Variants in AGAP1 observed in about 807,000 individuals in gnomAD.
AGAP1 encodes the protein arf-GAP with GTPase, ANK repeat and PH domain-containing protein 1.
Under a neutral mutation model 105.3 loss-of-function variants are expected in AGAP1, and 29 were observed. The observed-to-expected ratio is 0.28, with a 90% CI of 0.21 to 0.38. The LOEUF (loss-of-function observed/expected upper bound fraction) is 0.38. Among genes scored for constraint, AGAP1 ranks in the 10% least tolerant of loss-of-function variants. The pLI is 1.00. For synonymous variants in AGAP1, 509 were observed against 485.9 expected (o/e 1.05, Z -0.63); for missense variants, 998 against 1,165.1 (o/e 0.86, Z 2.09).
At position 235,686,665 on chromosome 2, in the gene AGAP1, ATTT is replaced by A. The variant is rs1200927776; in HGVS notation, c.164-22501_164-22499del. Among the ~76,000 whole-genome samples, 49 of 77,486 alleles carry A rather than the reference ATTT, an allele frequency of 6.3e-4. 3 individuals carry two copies. Among genetic ancestry groups the A allele is most frequent in the African/African-American group, 2.8e-3 (43 of 15,504 alleles). The allele number at this position is 77,486 out of a possible 152,430, so 50.8% of individuals were successfully genotyped here. ...TATATAGATATATATATATATATAT[ATTT>A]TTTTTTTTTTTTAGACAGAGTCTTG... On this transcript the variant is annotated intron_variant, in intron 1 of 17. Coordinates refer to ENST00000304032, the MANE Select transcript of AGAP1 (RefSeq NM_001037131.3).
intron 13 of AGAP1, among the ~76,000 whole-genome samples, chr2:235,978,594 A>G (rs2054956512): frequency 6.6e-6 from 1 of 152,242 alleles, no homozygotes; most frequent in Non-Finnish European, 1.5e-5. Context: ...CAAGGCCAGT[A>G]GATGAGTGGC....
chr2:235,686,349 T>TTA (rs1388960736), intron 1 of AGAP1, among the ~76,000 whole-genome samples: 1 of 151,918 alleles, frequency 6.6e-6, no homozygotes, highest in African/African-American at 2.4e-5. Flanking sequence ...GTTCAGGAGA[T>TTA]TATCTTTGTT....
At chr2:235,730,158 A>C (rs867822939) in intron 3 of AGAP1, among the ~76,000 whole-genome samples, 2 of 152,272 alleles carry the variant, frequency 1.3e-5, no homozygotes, top group Middle Eastern at 6.8e-3. Context: ...TTGCATATTG[A>C]AAAAGAGAGT....
At position 236,120,413 on chromosome 2, in the gene AGAP1, A is replaced by G. The variant is rs908268022; in HGVS notation, c.2336A>G (p.Lys779Arg). Residue 779 changes from lysine to arginine, a missense_variant, in exon 17 of 18, where the codon AAG (lysine) becomes AGG (arginine). This residue lies in a region of AGAP1 where 235 missense variants were observed against 270.7 expected (regional missense o/e 0.87). Coordinates refer to ENST00000304032, the MANE Select transcript of AGAP1 (RefSeq NM_001037131.3). This position sits in a 1 kb window ranked among gnomAD's most constrained non-coding sequence, Gnocchi z 6.0. ...GRTALHLACR[K>R]GNVVLAQLLI... Reference sequence around the variant, plus strand: ...ACGGCGCTGCATCTGGCCTGCCGCAAGGGGAATGTGGTCCTGGCGCAGCTC... The same window carrying G: ...ACGGCGCTGCATCTGGCCTGCCGCAGGGGGAATGTGGTCCTGGCGCAGCTC... The G allele has an allele frequency of 6.2e-7, 1 of 1,611,380 alleles. No homozygotes were observed. The highest frequency in any genetic ancestry group is 1.3e-5 in the African/African-American group (1 of 74,894).
chr2:235,808,557 A>G (rs1008027274), intron 9 of AGAP1, among the ~76,000 whole-genome samples: 8 of 152,264 alleles, frequency 5.3e-5, no homozygotes, highest in African/African-American at 1.9e-4. Flanking sequence ...AGAGTTTCCC[A>G]AGGAGCCCAG....
At chr2:235,696,317 A>T (rs531578444) in intron 1 of AGAP1, among the ~76,000 whole-genome samples, 7 of 152,204 alleles carry the variant, frequency 4.6e-5, no homozygotes, top group African/African-American at 7.2e-5. Flanking sequence ...AAATGTTGGG[A>T]TTACAGGCGT....
intron 2 of AGAP1, among the ~76,000 whole-genome samples, chr2:235,711,978 C>T (rs565673184): frequency 2.0e-5 from 3 of 152,184 alleles, no homozygotes; most frequent in African/African-American, 4.8e-5. Context: ...ATTCAATGTT[C>T]GCTTTCTTCT....
At chr2:235,540,213 C>T (rs1292782797) in intron 1 of AGAP1, among the ~76,000 whole-genome samples, 1 of 145,164 alleles carries the variant, frequency 6.9e-6, no homozygotes, top group Non-Finnish European at 1.5e-5. Context: ...TGCAGTGGTG[C>T]AGTCTCAGCT....
chr2:235,501,269 A>C (rs1266392574), intron 1 of AGAP1, among the ~76,000 whole-genome samples: 1 of 152,096 alleles, frequency 6.6e-6, no homozygotes, highest in African/African-American at 2.4e-5. Flanking sequence ...GCTGATGTCC[A>C]TTTCCTTCTA....
intron 9 of AGAP1, among the ~76,000 whole-genome samples, chr2:235,840,593 G>T (rs1342538414): frequency 6.6e-6 from 1 of 152,148 alleles, no homozygotes; most frequent in African/African-American, 2.4e-5. Flanking sequence ...GAGGGCAGGA[G>T]CCCAGGCAGG....
chr2:235,711,714 T>C (rs1244205698), intron 2 of AGAP1, among the ~76,000 whole-genome samples: 1 of 152,136 alleles, frequency 6.6e-6, no homozygotes, highest in African/African-American at 2.4e-5. Flanking sequence ...GCAGATCCCT[T>C]GTGTGCTGAG....
chr2:235,537,450 G>C (rs1943276585), intron 1 of AGAP1, among the ~76,000 whole-genome samples: 1 of 152,196 alleles, frequency 6.6e-6, no homozygotes, highest in Non-Finnish European at 1.5e-5. Flanking sequence ...TGGAGGCTGG[G>C]GAGTCATGAG....
Position 235,600,824 on chromosome 2 carries a change from G to T in AGAP1, c.163+105975G>T, listed in dbSNP as rs996014061. Among the ~76,000 whole-genome samples, 5 of 152,140 alleles carry T rather than the reference G, an allele frequency of 3.3e-5. No homozygotes were observed. Among genetic ancestry groups the T allele is most frequent in the African/African-American group, 9.7e-5 (4 of 41,434 alleles). Reference sequence around the variant, plus strand: ...TCAAATGTTAATCTCCTTTGGCAGCGCCCTCACAGACACACCCAGGATCAA... The same window carrying T: ...TCAAATGTTAATCTCCTTTGGCAGCTCCCTCACAGACACACCCAGGATCAA... On this transcript the variant is annotated intron_variant, in intron 1 of 17. Coordinates refer to ENST00000304032, the MANE Select transcript of AGAP1 (RefSeq NM_001037131.3). The surrounding 1 kb of genome is among the most constrained non-coding windows in gnomAD (Gnocchi z 4.8).
rs1404309072 is a variant in AGAP1, at chr2:235,686,637, A to G, written c.164-22542A>G. 3.9e-4 allele frequency among the ~76,000 whole-genome samples: 20 copies of G among 51,706 alleles called. 1 individual carries two copies. Among genetic ancestry groups the G allele is most frequent in the Non-Finnish European group, 1.5e-4 (4 of 26,650 alleles). 33.9% of individuals were successfully genotyped at this position (51,706 alleles called of 152,430 possible). A position where few individuals can be genotyped will look rare whatever the true frequency, so the allele number is the denominator to read the frequency against. On this transcript the variant is annotated intron_variant, in intron 1 of 17. Transcript: ENST00000304032. ...GAGATATAGATATATATATATATAT[A>G]TATATATAGATATATATATATATAT...
chr2:235,607,615 A>T (rs1945989213), intron 1 of AGAP1, among the ~76,000 whole-genome samples: 1 of 152,160 alleles, frequency 6.6e-6, no homozygotes, highest in African/African-American at 2.4e-5. Flanking sequence ...AAGGGGCTGG[A>T]TCCTGAGCCC....
rs147113960 is a variant in AGAP1 at position 235,733,308 on chromosome 2, A to G, written c.311-7655A>G. Reference sequence around the variant, plus strand: ...TTCCATTCCTCAGTCAGGAGACGAAAAAGATGAGGCCACGGCTGCCCCTTC... The same window carrying G: ...TTCCATTCCTCAGTCAGGAGACGAAGAAGATGAGGCCACGGCTGCCCCTTC... On this transcript the variant is annotated intron_variant, in intron 3 of 17. Transcript: ENST00000304032. The surrounding 1 kb of genome is among the most constrained non-coding windows in gnomAD (Gnocchi z 5.0). 2.4e-3 allele frequency among the ~76,000 whole-genome samples: 372 copies of G among 152,286 alleles called. 3 individuals are homozygous for G. The highest frequency in any genetic ancestry group is 8.5e-3 in the African/African-American group (355 of 41,558).
chr2:236,032,102 C>T (rs573465677), intron 13 of AGAP1, among the ~76,000 whole-genome samples: 2 of 152,338 alleles, frequency 1.3e-5, no homozygotes, highest in East Asian at 3.9e-4. Context: ...AGAGATCCTC[C>T]TCTTTTTAGA....
chr2:235,718,307 T>C (rs1301192252), intron 3 of AGAP1: 5 of 933,546 alleles, frequency 5.4e-6, no homozygotes, highest in Non-Finnish European at 1.3e-6. Context: ...TCCGTGTAAC[T>C]TTGTTAAATC....
chr2:235,686,556 TACACACAC>T (rs10700794), intron 1 of AGAP1, among the ~76,000 whole-genome samples: 51 of 101,870 alleles, frequency 5.0e-4, no homozygotes, highest in Middle Eastern at 5.6e-3. Flanking sequence ...GATATATATA[TACACACAC>T]ACACACACAC....
Sources: allele counts gnomAD v4.1 joint callset (sites outside exome capture counted in the v4.1 genomes callset), GRCh38; gene constraint gnomAD v4.1.1; regional missense constraint gnomAD v4.1.1; non-coding constraint Gnocchi (gnomAD v3.1); transcripts MANE v1.5; gene names NCBI Gene and HGNC (gene_info 2026-07-23, HGNC 2026-07-21).